FBXO25: variants seen among roughly 807,000 people sequenced by gnomAD.
The protein encoded by FBXO25 is F-box only protein 25.
Under a neutral mutation model 51.9 loss-of-function variants are expected in FBXO25, and 45 were observed. The ratio of observed to expected loss-of-function variants is 0.87; its 90% CI spans 0.68 to 1.11. The LOEUF is 1.11. Among genes scored for constraint, FBXO25 ranks in the 50% most tolerant of loss-of-function variants. FBXO25 has a pLI of 0.00. For synonymous variants in FBXO25, 199 were observed against 151.0 expected, an observed-to-expected ratio of 1.32 and a Z score of -2.33; for missense variants, 507 against 428.5, an observed-to-expected ratio of 1.18 and a Z score of -1.62.
In FBXO25 at chr8:469,148, C is replaced by G. The variant is rs535227020; in HGVS notation, c.*344C>G. Reference sequence around the variant, plus strand: ...GACACTAACGGCCAATAATATGCTTCTTAATTATCAAATTATAGTTTCCCA... The same window carrying G: ...GACACTAACGGCCAATAATATGCTTGTTAATTATCAAATTATAGTTTCCCA... On this transcript the variant is annotated 3_prime_UTR_variant, in exon 10 of 10. Coordinates refer to ENST00000350302, the MANE Select transcript of FBXO25 (RefSeq NM_183420.2). 9.3e-4 allele frequency: 195 copies of G among 210,054 alleles called. No individual in the cohort carries two copies. The highest frequency in any genetic ancestry group is 3.0e-3 in the Admixed American group (52 of 17,236). 13.0% of individuals were successfully genotyped at this position (210,054 alleles called of 1,614,324 possible).
At chr8:460,926 T>C (rs554058489) in intron 8 of FBXO25, among the ~76,000 whole-genome samples, 1 of 152,348 alleles carries the variant, frequency 6.6e-6, no homozygotes, top group African/African-American at 2.4e-5. Flanking sequence ...GTGACTGAAG[T>C]ATGAGTATGT....
intron 2 of FBXO25, among the ~76,000 whole-genome samples, chr8:418,440 A>T (rs1288483986): frequency 1.4e-5 from 2 of 147,488 alleles, no homozygotes; most frequent in Non-Finnish European, 3.0e-5. Flanking sequence ...CCTGGGTTCA[A>T]GCAATTCTCC....
chr8:413,726 C>G (rs144513526), intron 2 of FBXO25, among the ~76,000 whole-genome samples: 18 of 152,142 alleles, frequency 1.2e-4, no homozygotes, highest in African/African-American at 3.6e-4. Context: ...GCGCTCAGGC[C>G]GAAGGGTAGG....
intron 5 of FBXO25, among the ~76,000 whole-genome samples, chr8:441,206 A>T (rs1798405935): frequency 6.6e-6 from 1 of 152,198 alleles, no homozygotes; most frequent in Admixed American, 6.5e-5. Flanking sequence ...CTCAGAAATA[A>T]CGCCACACGT....
rs115441496 is a variant in FBXO25, at chr8:421,220, C to G, written c.134+8007C>G. Among the ~76,000 whole-genome samples the G allele has an allele frequency of 3.5e-3, 533 of 152,324 alleles. 6 individuals carry two copies. Among genetic ancestry groups the G allele is most frequent in the African/African-American group, 0.012 (510 of 41,558 alleles). On this transcript the variant is annotated intron_variant, in intron 2 of 9. Transcript: ENST00000350302. ...GGTTGCTCACTCCTTTTGAGACTAA[C>G]TAACTAATGCCTGATGATCTGAGGT...
At chr8:464,864 A>G (rs538026859) in intron 9 of FBXO25, among the ~76,000 whole-genome samples, 2 of 152,322 alleles carry the variant, frequency 1.3e-5, no homozygotes, top group East Asian at 1.9e-4. Context: ...TCCTGAAATT[A>G]AAAAGATGCA....
intron 8 of FBXO25, 27 bp downstream of exon 8, chr8:458,578 C>T: frequency 6.2e-7 from 1 of 1,609,422 alleles, no homozygotes; most frequent in Non-Finnish European, 8.5e-7. Context: ...AGTCTCCCCT[C>T]AGGCTGGGAG....
Position 471,851 on chromosome 8 carries a change from G to T in FBXO25, c.*3047G>T, listed in dbSNP as rs140543741. On this transcript the variant is annotated 3_prime_UTR_variant, in exon 10 of 10. Coordinates refer to ENST00000350302, the MANE Select transcript of FBXO25 (RefSeq NM_183420.2). ...GCACTGTGTGTGCGTACTGTACAGG[G>T]CTGTACACAGCAAACTGTGTCTACT... 2 of 152,344 alleles carry T rather than the reference G, an allele frequency of 1.3e-5. No homozygotes were observed. Among genetic ancestry groups the T allele is most frequent in the Non-Finnish European group, 2.9e-5 (2 of 68,040 alleles). 9.4% of individuals were successfully genotyped at this position (152,344 alleles called of 1,614,324 possible).
intron 7 of FBXO25, among the ~76,000 whole-genome samples, chr8:452,229 A>C (rs1799142249): frequency 6.6e-6 from 1 of 152,150 alleles, no homozygotes; most frequent in Non-Finnish European, 1.5e-5. Context: ...TGGGATTTAC[A>C]AAAAGAGTGA....
intron 2 of FBXO25, among the ~76,000 whole-genome samples, chr8:422,904 C>G (rs1797240380): frequency 6.6e-6 from 1 of 152,080 alleles, no homozygotes; most frequent in Admixed American, 6.5e-5. Flanking sequence ...GTACACAGGT[C>G]AGGACTCCCT....
chr8:433,716 T>C (rs1797949438), intron 4 of FBXO25, among the ~76,000 whole-genome samples: 1 of 152,234 alleles, frequency 6.6e-6, no homozygotes, highest in Non-Finnish European at 1.5e-5. Flanking sequence ...GAAAATAATT[T>C]AGGGAATTAC....
At position 468,979 on chromosome 8, in the gene FBXO25, AAGTC is replaced by A. The variant is rs1397045565; in HGVS notation, c.*178_*181del. 5.2e-6 allele frequency: 3 copies of A among 575,038 alleles called. No individual in the cohort carries two copies. Among genetic ancestry groups the A allele is most frequent in the Non-Finnish European group, 6.0e-6 (2 of 330,796 alleles). 35.6% of individuals were successfully genotyped at this position (575,038 alleles called of 1,614,324 possible). A position where few individuals can be genotyped will look rare whatever the true frequency, so the allele number is the denominator to read the frequency against. ...TGCATGGTTGCATTTTCATCACTGAAAGTCAGAGGCCAAGGAAATCATTTCTACT... is the reference window on the plus strand; with the variant it reads ...TGCATGGTTGCATTTTCATCACTGAAAGAGGCCAAGGAAATCATTTCTACT... On this transcript the variant is annotated 3_prime_UTR_variant, in exon 10 of 10. Coordinates refer to ENST00000350302, the MANE Select transcript of FBXO25 (RefSeq NM_183420.2).
intron 2 of FBXO25, among the ~76,000 whole-genome samples, chr8:423,591 C>T (rs1797288602): frequency 6.6e-6 from 1 of 152,184 alleles, no homozygotes; most frequent in African/African-American, 2.4e-5. Context: ...TTAAGTCAAG[C>T]TCCATCCATG....
In FBXO25 at chr8:470,754, T is replaced by C. The variant is rs962074696; in HGVS notation, c.*1950T>C. The stretch of plus-strand genomic sequence containing the variant: ...TTCCATTATCCCTGAAGCACAGGTA[T>C]TTCTTTTTCTGTTGGTGCTGTTTTA... On this transcript the variant is annotated 3_prime_UTR_variant, in exon 10 of 10. Coordinates refer to ENST00000350302, the MANE Select transcript of FBXO25 (RefSeq NM_183420.2). 1.3e-5 allele frequency: 2 copies of C among 152,200 alleles called. No individual in the cohort carries two copies. Among genetic ancestry groups the C allele is most frequent in the African/African-American group, 2.4e-5 (1 of 41,434 alleles). The allele number at this position is 152,200 out of a possible 1,614,324, so 9.4% of individuals were successfully genotyped here. A position where few individuals can be genotyped will look rare whatever the true frequency, so the allele number is the denominator to read the frequency against.
intron 2 of FBXO25, among the ~76,000 whole-genome samples, chr8:424,580 T>C (rs1475480816): frequency 1.3e-5 from 2 of 152,234 alleles, no homozygotes; most frequent in Non-Finnish European, 2.9e-5. Context: ...CTTCTGTATG[T>C]GGCTAGCCAG....
intron 7 of FBXO25, among the ~76,000 whole-genome samples, chr8:454,700 G>A (rs948278817): frequency 6.6e-6 from 1 of 152,034 alleles, no homozygotes; most frequent in Non-Finnish European, 1.5e-5. Flanking sequence ...GACCATGCTG[G>A]CTAACACGGT....
At chr8:426,536 G>A (rs963263718) in intron 2 of FBXO25, among the ~76,000 whole-genome samples, 1 of 152,078 alleles carries the variant, frequency 6.6e-6, no homozygotes, top group Non-Finnish European at 1.5e-5. Flanking sequence ...CAGGTAAGAT[G>A]GTGCAGGTAG....
At chr8:429,026 C>G (rs753569408) in intron 2 of FBXO25, among the ~76,000 whole-genome samples, 111 of 152,276 alleles carry the variant, frequency 7.3e-4, no homozygotes, top group Non-Finnish European at 1.3e-3. Context: ...CTCTTTCATT[C>G]TCTGCTTTCA....
intron 8 of FBXO25, among the ~76,000 whole-genome samples, chr8:459,560 A>T (rs1180165749): frequency 1.3e-5 from 2 of 152,208 alleles, no homozygotes; most frequent in Non-Finnish European, 2.9e-5. Flanking sequence ...AAGAGGATCC[A>T]TGAGGATCCT....
Sources: allele counts gnomAD v4.1 joint callset (sites outside exome capture counted in the v4.1 genomes callset), GRCh38; gene constraint gnomAD v4.1.1; transcripts MANE v1.5; gene names NCBI Gene and HGNC (gene_info 2026-07-23, HGNC 2026-07-21).